SYNPR: variants seen among roughly 807,000 people sequenced by gnomAD.
SYNPR encodes the protein synaptoporin.
In SYNPR, 23 loss-of-function variants were observed where a neutral mutation model predicts 32.9. That is an observed-to-expected ratio of 0.70 (90% confidence interval 0.50 to 0.99). SYNPR has a LOEUF of 0.99. Among genes scored for constraint, SYNPR ranks in the 50% least tolerant of loss-of-function variants. The probability of loss-of-function intolerance (pLI) is 0.00; values close to 1 mark genes in which losing one functional copy is unlikely to be tolerated. For missense variants in SYNPR, 318 were observed against 349.3 expected (o/e 0.91, Z 0.71); for synonymous variants, 146 against 135.9 (o/e 1.07, Z -0.52).
rs528457179 is a variant in SYNPR, at chr3:63,540,525, G to T, written c.210-16018G>T. Among the ~76,000 whole-genome samples the T allele has an allele frequency of 2.0e-5, 3 of 152,018 alleles. No individual in the cohort carries two copies. In the South Asian group the frequency reaches 6.2e-4, roughly 32 times the overall value. ...AGTACTTTGAGATTGATAAAATGGA[G>T]ACATGCAGAAAAAGAAACGAGCCTC... On this transcript the variant is annotated intron_variant, in intron 3 of 5. Transcript: ENST00000478300.
chr3:63,405,477 T>TCATAAAGGATG (rs1163162292), intron 2 of SYNPR, among the ~76,000 whole-genome samples: 3 of 152,072 alleles, frequency 2.0e-5, no homozygotes, highest in Admixed American at 6.6e-5. Flanking sequence ...TCTGGCTGAA[T>TCATAAAGGATG]CATAAAGGAT....
intron 2 of SYNPR, among the ~76,000 whole-genome samples, chr3:63,302,568 G>C (rs1339264300): frequency 1.3e-5 from 2 of 151,872 alleles, no homozygotes; most frequent in Non-Finnish European, 2.9e-5. Context: ...AAATTATCCA[G>C]GCATATGATA....
chr3:63,604,298 T>G (rs1700086153), intron 4 of SYNPR, among the ~76,000 whole-genome samples: 1 of 152,164 alleles, frequency 6.6e-6, no homozygotes, highest in African/African-American at 2.4e-5. Context: ...AAAACCAACT[T>G]TAAGATTCAT....
intron 2 of SYNPR, among the ~76,000 whole-genome samples, chr3:63,403,669 C>T (rs1246707431): frequency 2.6e-5 from 4 of 152,204 alleles, no homozygotes; most frequent in East Asian, 3.9e-4. Context: ...GGGCCTACAC[C>T]CCTCAACCAT....
intron 3 of SYNPR, among the ~76,000 whole-genome samples, chr3:63,549,165 C>T (rs151310985): frequency 8.8e-4 from 134 of 152,220 alleles, no homozygotes; most frequent in African/African-American, 3.2e-3. Context: ...GGCTTTCTAT[C>T]GGTCAGTCTA....
chr3:63,447,488 C>T (rs1258588130), intron 2 of SYNPR, among the ~76,000 whole-genome samples: 1 of 152,152 alleles, frequency 6.6e-6, no homozygotes, highest in Non-Finnish European at 1.5e-5. Flanking sequence ...TTGGACTAAT[C>T]TTGCATTTTT....
chr3:63,271,601 T>C (rs1411242626), intron 3 of SYNPR, among the ~76,000 whole-genome samples: 5 of 152,150 alleles, frequency 3.3e-5, no homozygotes, highest in Non-Finnish European at 5.9e-5. Context: ...CTTCATCATC[T>C]ATATGTTTTA....
intron 2 of SYNPR, among the ~76,000 whole-genome samples, chr3:63,346,148 A>T (rs191103183): frequency 1.3e-5 from 2 of 152,032 alleles, no homozygotes; most frequent in African/African-American, 4.8e-5. Flanking sequence ...TTCATACATC[A>T]ATTTTGTTTT....
In SYNPR at chr3:63,501,505, AAAAAAAAAAG is replaced by A. The variant is rs1384920853; in HGVS notation, c.209+20554_209+20563del. ...CACCCTCCCCCAACCAAAAAAAAAAAAAAAAAAAAGAAAAGAAAAAGAAAAAATAATAGAA... is the reference window on the plus strand; with the variant it reads ...CACCCTCCCCCAACCAAAAAAAAAAAAAAAGAAAAAGAAAAAATAATAGAA... On this transcript the variant is annotated intron_variant, in intron 3 of 5. Coordinates refer to ENST00000478300, the MANE Select transcript of SYNPR (RefSeq NM_001130003.2). Among the ~76,000 whole-genome samples the A allele has an allele frequency of 8.2e-5, 12 of 147,196 alleles. 1 individual carries two copies. The highest frequency in any genetic ancestry group is 2.8e-4 in the African/African-American group (11 of 39,414).
chr3:63,404,063 C>T (rs1357935089), intron 2 of SYNPR, among the ~76,000 whole-genome samples: 1 of 152,140 alleles, frequency 6.6e-6, no homozygotes, highest in African/African-American at 2.4e-5. Context: ...AAACACTGAG[C>T]CCAGGTGTTA....
intron 2 of SYNPR, among the ~76,000 whole-genome samples, chr3:63,253,098 G>GA (rs2086348019): frequency 6.6e-6 from 1 of 150,662 alleles, no homozygotes; most frequent in Non-Finnish European, 1.5e-5. Context: ...CTAAACCACT[G>GA]AAAATATTTG....
intron 2 of SYNPR, among the ~76,000 whole-genome samples, chr3:63,365,922 A>G (rs919769528): frequency 1.1e-4 from 16 of 152,212 alleles, no homozygotes; most frequent in African/African-American, 3.9e-4. Flanking sequence ...TATTTCTCAC[A>G]TAAACATGGT....
At chr3:63,323,075 A>G (rs2087128537) in intron 2 of SYNPR, among the ~76,000 whole-genome samples, 2 of 152,086 alleles carry the variant, frequency 1.3e-5, no homozygotes, top group Non-Finnish European at 1.5e-5. Context: ...AAAAGGCACA[A>G]AGCAGGACTA....
upstream of SYNPR, among the ~76,000 whole-genome samples, chr3:63,227,604 G>C (rs2086138129): frequency 6.6e-6 from 1 of 152,104 alleles, no homozygotes; most frequent in Non-Finnish European, 1.5e-5. Context: ...TCATCTTTCT[G>C]CTTCTCTATA....
intron 2 of SYNPR, among the ~76,000 whole-genome samples, chr3:63,332,073 G>C (rs1371978880): frequency 6.6e-6 from 1 of 152,174 alleles, no homozygotes; most frequent in Non-Finnish European, 1.5e-5. Context: ...AAAACATGCT[G>C]AGCATATAGA....
chr3:63,254,173 TG>T, intron 2 of SYNPR, among the ~76,000 whole-genome samples: 1 of 151,472 alleles, frequency 6.6e-6, no homozygotes. Context: ...TGTTGTGGGG[TG>T]GGGGGAGAGG....
chr3:63,429,013 A>G (rs1305617348), intron 2 of SYNPR, among the ~76,000 whole-genome samples: 3 of 152,214 alleles, frequency 2.0e-5, no homozygotes, highest in African/African-American at 7.2e-5. Context: ...TGTTCAATCA[A>G]TATGCTACAC....
intron 2 of SYNPR, among the ~76,000 whole-genome samples, chr3:63,422,744 T>C (rs767927941): frequency 8.5e-5 from 13 of 152,096 alleles, no homozygotes; most frequent in Non-Finnish European, 1.2e-4. Flanking sequence ...TGGTCCTACC[T>C]AGAAAAAAAG....
intron 2 of SYNPR, among the ~76,000 whole-genome samples, chr3:63,258,807 A>G (rs1271348559): frequency 6.6e-6 from 1 of 152,238 alleles, no homozygotes; most frequent in African/African-American, 2.4e-5. Flanking sequence ...AAAGATCATC[A>G]AAATTGATAG....
Sources: allele counts gnomAD v4.1 joint callset (sites outside exome capture counted in the v4.1 genomes callset), GRCh38; gene constraint gnomAD v4.1.1; transcripts MANE v1.5; gene names NCBI Gene and HGNC (gene_info 2026-07-23, HGNC 2026-07-21).